The following PACSIN2 variants were observed in gnomAD, a reference collection of about 807,000 sequenced individuals.
PACSIN2 encodes the protein protein kinase C and casein kinase substrate in neurons 2.
A neutral mutation model predicts 63.8 loss-of-function variants in PACSIN2; 25 were observed. The ratio of observed to expected loss-of-function variants is 0.39; its 90% CI spans 0.29 to 0.55. The LOEUF is 0.55. PACSIN2 is among the 20% of genes least tolerant of loss of function. The probability of loss-of-function intolerance (pLI) is 0.62; values close to 1 mark genes in which losing one functional copy is unlikely to be tolerated. For synonymous variants in PACSIN2, 255 were observed against 256.2 expected, an observed-to-expected ratio of 1.00 and a Z score of 0.05; for missense variants, 518 against 646.9, an observed-to-expected ratio of 0.80 and a Z score of 2.16.
intron 1 of PACSIN2, among the ~76,000 whole-genome samples, chr22:42,990,240 C>T (rs78692817): frequency 0.076 from 11,599 of 152,032 alleles, 585 homozygotes; most frequent in Non-Finnish European, 0.11. Flanking sequence ...CAATCACAGA[C>T]GGCCACAAAC....
chr22:42,903,514 T>A (rs78399566), intron 2 of PACSIN2, among the ~76,000 whole-genome samples: 1,601 of 152,244 alleles, frequency 0.011, 29 homozygotes, highest in African/African-American at 0.036. Context: ...AATTTCCACA[T>A]CCTCATTTCT....
intron 1 of PACSIN2, among the ~76,000 whole-genome samples, chr22:43,010,407 T>TTTTTTA (rs1243585757): frequency 1.4e-5 from 2 of 147,966 alleles, no homozygotes; most frequent in Non-Finnish European, 3.0e-5. Flanking sequence ...TATTTTTTTT[T>TTTTTTA]AATTGAAAAT....
chr22:43,006,543 G>A (rs1021818224), intron 1 of PACSIN2, among the ~76,000 whole-genome samples: 8 of 152,170 alleles, frequency 5.3e-5, no homozygotes, highest in African/African-American at 2.4e-5. Context: ...AGCCAGGCAC[G>A]GTGGCTCATG....
intron 1 of PACSIN2, among the ~76,000 whole-genome samples, chr22:42,924,854 A>T (rs1033899688): frequency 6.3e-4 from 95 of 150,800 alleles, no homozygotes; most frequent in Non-Finnish European, 1.2e-3. Flanking sequence ...CCTCCCGGGT[A>T]CACGCCATTC....
At position 42,876,929 on chromosome 22, in the gene PACSIN2, C is replaced by T. The variant is rs374333325; in HGVS notation, c.1110G>A (p.Thr370=). ...SYNPFEDEDD[T]GSTVSEKDDT... ...CGTCCTTCTCACTGACGGTGCTGCCCGTGTCGTCCTCATCCTCGAAGGGGT... is the reference window on the plus strand; with the variant it reads ...CGTCCTTCTCACTGACGGTGCTGCCTGTGTCGTCCTCATCCTCGAAGGGGT... Residue 370 remains threonine, a synonymous_variant, in exon 9 of 11, where the codon ACG becomes ACA. Transcript: ENST00000263246. 1.9e-5 allele frequency: 30 copies of T among 1,614,034 alleles called. No individual in the cohort carries two copies. The highest frequency in any genetic ancestry group is 4.0e-5 in the African/African-American group (3 of 74,916).
chr22:42,984,709 G>A (rs1922485934), intron 1 of PACSIN2, among the ~76,000 whole-genome samples: 1 of 152,188 alleles, frequency 6.6e-6, no homozygotes, highest in Non-Finnish European at 1.5e-5. Flanking sequence ...TACCTCACCT[G>A]TGCCAAAAGG....
intron 1 of PACSIN2, among the ~76,000 whole-genome samples, chr22:42,978,954 C>T (rs950800623): frequency 3.9e-5 from 6 of 152,126 alleles, no homozygotes; most frequent in Admixed American, 6.5e-5. Context: ...CCAATGTCTT[C>T]CAAGGAACTG....
intron 5 of PACSIN2, among the ~76,000 whole-genome samples, chr22:42,886,150 G>A (rs760356807): frequency 2.6e-5 from 4 of 152,054 alleles, no homozygotes; most frequent in African/African-American, 7.2e-5. Flanking sequence ...AGCCTGTGCC[G>A]ACCCTGCTAG....
intron 1 of PACSIN2, among the ~76,000 whole-genome samples, chr22:43,010,977 A>C (rs1924451653): frequency 6.6e-6 from 1 of 152,210 alleles, no homozygotes; most frequent in South Asian, 2.1e-4. Flanking sequence ...AGAGATACCA[A>C]AAAATGATGT....
intron 1 of PACSIN2, among the ~76,000 whole-genome samples, chr22:42,984,386 C>T (rs1384694310): frequency 6.6e-6 from 1 of 152,158 alleles, no homozygotes; most frequent in Non-Finnish European, 1.5e-5. Flanking sequence ...TCAGAATTCT[C>T]AATTTCCCAC....
At chr22:43,014,339 C>T (rs370854467) in intron 1 of PACSIN2, among the ~76,000 whole-genome samples, 5 of 138,974 alleles carry the variant, frequency 3.6e-5, no homozygotes, top group Non-Finnish European at 1.5e-5. Flanking sequence ...CACACACACA[C>T]ACACACACAC....
At chr22:42,989,142 G>A (rs1922830869) in intron 1 of PACSIN2, among the ~76,000 whole-genome samples, 2 of 152,184 alleles carry the variant, frequency 1.3e-5, no homozygotes, top group Admixed American at 1.3e-4. Context: ...ACCTCCCAAA[G>A]TGCTGGGATT....
chr22:42,870,888 A>G lies in PACSIN2; in HGVS notation c.*469T>C, dbSNP rs62231589. On this transcript the variant is annotated 3_prime_UTR_variant, in exon 11 of 11. Coordinates refer to ENST00000263246, the MANE Select transcript of PACSIN2 (RefSeq NM_001184970.3). ...CATCAATCTGTGCCATAATTTAAGT[A>G]GAAATGAACAGGTGTATAAAAAAGT... 2,786 of 165,728 alleles carry G rather than the reference A, an allele frequency of 0.017. 37 individuals are homozygous for G. The highest frequency in any genetic ancestry group is 0.041 in the Middle Eastern group (13 of 314). 10.3% of individuals were successfully genotyped at this position (165,728 alleles called of 1,614,324 possible). A position where few individuals can be genotyped will look rare whatever the true frequency, so the allele number is the denominator to read the frequency against.
rs1016760827 is a variant in PACSIN2 at position 42,870,848 on chromosome 22, C to T, written c.*509G>A. ...GGTAAGGGAATAGGGAGATCGTTTCCTCAAGACTGGTGCGCATCAATCTGT... is the reference window on the plus strand; with the variant it reads ...GGTAAGGGAATAGGGAGATCGTTTCTTCAAGACTGGTGCGCATCAATCTGT... On this transcript the variant is annotated 3_prime_UTR_variant, in exon 11 of 11. Coordinates refer to ENST00000263246, the MANE Select transcript of PACSIN2 (RefSeq NM_001184970.3). 2 of 158,794 alleles carry T rather than the reference C, an allele frequency of 1.3e-5. No homozygotes were observed. Among genetic ancestry groups the T allele is most frequent in the African/African-American group, 4.8e-5 (2 of 41,610 alleles). 9.8% of individuals were successfully genotyped at this position (158,794 alleles called of 1,614,324 possible).
At chr22:43,010,936 C>A (rs1207297173) in intron 1 of PACSIN2, among the ~76,000 whole-genome samples, 1 of 152,192 alleles carries the variant, frequency 6.6e-6, no homozygotes, top group Admixed American at 6.5e-5. Context: ...TTGGTGGCCA[C>A]TGTCCCTCAA....
rs750017040 is a variant in PACSIN2 at position 42,882,286 on chromosome 22, A to G, written c.804T>C (p.His268=). The G allele has an allele frequency of 1.2e-6, 2 of 1,612,470 alleles. No individual in the cohort carries two copies. The highest frequency in any genetic ancestry group is 1.7e-6 in the Non-Finnish European group (2 of 1,179,316). ...CTGCTCTGATGCTCTGCTCCAGGTCATGGTAAATGGCTTTGTAGCTAAATC... is the reference window on the plus strand; with the variant it reads ...CTGCTCTGATGCTCTGCTCCAGGTCGTGGTAAATGGCTTTGTAGCTAAATC... ...SNVAGYKAIY[H]DLEQSIRAAD... Residue 268 remains histidine (H), a synonymous_variant, in exon 7 of 11, where the codon CAT becomes CAC. Coordinates refer to ENST00000263246, the MANE Select transcript of PACSIN2 (RefSeq NM_001184970.3).
chr22:42,955,614 A>C (rs1304421059), intron 1 of PACSIN2, among the ~76,000 whole-genome samples: 2 of 152,196 alleles, frequency 1.3e-5, no homozygotes, highest in Non-Finnish European at 2.9e-5. Context: ...TACACCTAAG[A>C]TTCAATTTAA....
At chr22:42,872,200 G>A (rs1213388062) in intron 10 of PACSIN2, among the ~76,000 whole-genome samples, 1 of 152,238 alleles carries the variant, frequency 6.6e-6, no homozygotes, top group African/African-American at 2.4e-5. Context: ...ATGGATCCTG[G>A]TCTCAAGGAG....
intron 10 of PACSIN2, among the ~76,000 whole-genome samples, chr22:42,874,664 T>A (rs1928448580): frequency 6.6e-6 from 1 of 152,164 alleles, no homozygotes; most frequent in Admixed American, 6.5e-5. Context: ...CTCATGGCCC[T>A]GCGGGGCTAG....
Sources: gnomAD v4.1 joint callset for allele counts (sites outside exome capture counted in the v4.1 genomes callset) on GRCh38, gnomAD v4.1.1 for gene constraint, MANE v1.5 for transcripts, NCBI Gene and HGNC (gene_info 2026-07-23, HGNC 2026-07-21) for gene names.